USP34: variants seen among roughly 807,000 people sequenced by gnomAD.
USP34 encodes the protein ubiquitin specific peptidase 34, also known as ubiquitin carboxyl-terminal hydrolase 34.
A neutral mutation model predicts 460.3 loss-of-function variants in USP34; 70 were observed. The observed-to-expected ratio is 0.15, with a 90% CI of 0.13 to 0.19. The LOEUF is 0.19. Ranked by LOEUF, USP34 falls within the 10% of genes least tolerant of loss-of-function variation. The probability of loss-of-function intolerance (pLI) is 1.00; values close to 1 mark genes in which losing one functional copy is unlikely to be tolerated. For missense variants in USP34, 3,985 were observed against 4,236.2 expected, an observed-to-expected ratio of 0.94 and a Z score of 1.65; for synonymous variants, 1,647 against 1,405.3, an observed-to-expected ratio of 1.17 and a Z score of -3.85.
intron 3 of USP34, among the ~76,000 whole-genome samples, chr2:61,397,524 G>C (rs541309686): frequency 6.6e-6 from 1 of 152,048 alleles, no homozygotes; most frequent in South Asian, 2.1e-4. Flanking sequence ...CCAGCACTTT[G>C]GGAGGCCAAG....
At chr2:61,353,628 G>A (rs180819531) in intron 10 of USP34, among the ~76,000 whole-genome samples, 97 of 150,084 alleles carry the variant, frequency 6.5e-4, no homozygotes, top group African/African-American at 2.1e-3. Flanking sequence ...ACAGGGTTTC[G>A]CCATGTTGGC....
In USP34 at chr2:61,383,345, G is replaced by C; in HGVS notation, c.754-9C>G. 1 of 1,583,276 alleles carries C rather than the reference G, an allele frequency of 6.3e-7. No homozygotes were observed. Among genetic ancestry groups the C allele is most frequent in the Non-Finnish European group, 8.6e-7 (1 of 1,160,876 alleles). ...TGTAGCCATATTCTAATCTATATAA[G>C]AAACATAAAAACAACATTAATGCCT... On this transcript the variant is annotated splice_polypyrimidine_tract_variant and intron_variant, in intron 5 of 79. Coordinates refer to ENST00000398571, the MANE Select transcript of USP34 (RefSeq NM_014709.4).
At position 61,470,768 on chromosome 2, in the gene USP34, G is replaced by T; in HGVS notation, c.-76C>A. 1 of 1,329,078 alleles carries T rather than the reference G, an allele frequency of 7.5e-7. No individual in the cohort carries two copies. The highest frequency in any genetic ancestry group is 1.0e-6 in the Non-Finnish European group (1 of 955,162). 82.3% of individuals were successfully genotyped at this position (1,329,078 alleles called of 1,614,324 possible). On this transcript the variant is annotated 5_prime_UTR_variant, in exon 1 of 80. Coordinates refer to ENST00000398571, the MANE Select transcript of USP34 (RefSeq NM_014709.4). ...CCCGACCGGCGGGGGGGAGGGGAGAGAGGCGGAGGAGGGGGCCGGCCGGCC... is the reference window on the plus strand; with the variant it reads ...CCCGACCGGCGGGGGGGAGGGGAGATAGGCGGAGGAGGGGGCCGGCCGGCC...
chr2:61,190,880 G>A (rs1686619832), intron 76 of USP34: 1 of 441,126 alleles, frequency 2.3e-6, no homozygotes, highest in Non-Finnish European at 4.0e-6. Context: ...AGGGAGTGCT[G>A]GGGGAAGACA....
intron 41 of USP34, among the ~76,000 whole-genome samples, chr2:61,267,748 G>C (rs1302159638): frequency 6.6e-6 from 1 of 151,908 alleles, no homozygotes; most frequent in African/African-American, 2.4e-5. Context: ...CAATTAGTTG[G>C]GACTACAGGC....
intron 59 of USP34, 74 bp downstream of exon 59, chr2:61,229,474 A>C (rs201215593): frequency 0.048 from 24,597 of 515,092 alleles, 334 homozygotes; most frequent in Non-Finnish European, 0.056. Context: ...AAAAAAAAAA[A>C]ACAAAAAAAA....
At position 61,211,934 on chromosome 2, in the gene USP34, A is replaced by G. The variant is rs761823549; in HGVS notation, c.8683-5T>C. ...GTTAAACAGTTCTTCTACTGCCTAAAAAAGCCAAATAAGCCATATGATCTT... is the reference window on the plus strand; with the variant it reads ...GTTAAACAGTTCTTCTACTGCCTAAGAAAGCCAAATAAGCCATATGATCTT... On this transcript the variant is annotated splice_polypyrimidine_tract_variant and splice_region_variant and intron_variant, in intron 68 of 79. Transcript: ENST00000398571. The G allele has an allele frequency of 6.3e-7, 1 of 1,598,924 alleles. No homozygotes were observed. The highest frequency in any genetic ancestry group is 8.5e-7 in the Non-Finnish European group (1 of 1,175,938).
intron 2 of USP34, among the ~76,000 whole-genome samples, chr2:61,419,323 C>A (rs1259306296): frequency 1.3e-5 from 2 of 151,948 alleles, no homozygotes; most frequent in Non-Finnish European, 2.9e-5. Context: ...AGGCCACACT[C>A]TTCTTAACCA....
intron 15 of USP34, 43 bp downstream of exon 15, chr2:61,347,827 T>C (rs1471029624): frequency 1.3e-6 from 2 of 1,592,940 alleles, no homozygotes; most frequent in Admixed American, 3.4e-5. Context: ...AATACTTCCC[T>C]AAAGGAAATA....
At position 61,311,931 on chromosome 2, in the gene USP34, C is replaced by T. The variant is rs746849689; in HGVS notation, c.3543-21G>A. ...CAAACCTAAAACATGACACAAACAACACATAGAAAGGATACCATTTTAAAC... is the reference window on the plus strand; with the variant it reads ...CAAACCTAAAACATGACACAAACAATACATAGAAAGGATACCATTTTAAAC... On this transcript the variant is annotated intron_variant, in intron 25 of 79. Transcript: ENST00000398571. The T allele has an allele frequency of 2.1e-5, 34 of 1,609,006 alleles. 1 individual carries two copies. The South Asian group carries it at 3.5e-4, about 17-fold the overall frequency.
At chr2:61,229,392 C>T (rs1327641067) in intron 59 of USP34, among the ~76,000 whole-genome samples, 156 bp downstream of exon 59, 5 of 136,692 alleles carry the variant, frequency 3.7e-5, no homozygotes, top group East Asian at 4.9e-4. Flanking sequence ...GAGGCCGAGG[C>T]GGGCGGATCA....
chr2:61,342,305 T>C (rs1418226548), intron 16 of USP34, among the ~76,000 whole-genome samples: 1 of 144,584 alleles, frequency 6.9e-6, no homozygotes, highest in Non-Finnish European at 1.5e-5. Context: ...CCTTTTTTTT[T>C]TTTTTTTTTT....
chr2:61,240,577 C>T (rs189884049), intron 53 of USP34, among the ~76,000 whole-genome samples: 24 of 149,708 alleles, frequency 1.6e-4, no homozygotes, highest in African/African-American at 5.9e-4. Flanking sequence ...CGCGCCCAGC[C>T]CATTTTTTTT....
chr2:61,449,439 TAGA>T (rs1161419881), intron 1 of USP34, among the ~76,000 whole-genome samples: 3 of 149,266 alleles, frequency 2.0e-5, no homozygotes, highest in African/African-American at 7.3e-5. Context: ...GGCATCTTTG[TAGA>T]AGTTTTCAAG....
chr2:61,467,348 C>CTATGT (rs1407269531), intron 1 of USP34, among the ~76,000 whole-genome samples: 1 of 152,008 alleles, frequency 6.6e-6, no homozygotes, highest in Non-Finnish European at 1.5e-5. Flanking sequence ...AGCAGTCTTA[C>CTATGT]TATGTTGCCC....
intron 27 of USP34, among the ~76,000 whole-genome samples, chr2:61,306,303 C>T (rs1430794628): frequency 6.6e-6 from 1 of 152,108 alleles, no homozygotes; most frequent in South Asian, 2.1e-4. Context: ...GCCAGTTTTC[C>T]CAGCATCATT....
chr2:61,419,346 G>A (rs1224714802), intron 2 of USP34, among the ~76,000 whole-genome samples: 1 of 151,858 alleles, frequency 6.6e-6, no homozygotes, highest in Non-Finnish European at 1.5e-5. Flanking sequence ...ACATTCTAGG[G>A]CAACATGAGA....
At chr2:61,286,011 A>G (rs1313458022) in intron 34 of USP34, among the ~76,000 whole-genome samples, 2 of 152,230 alleles carry the variant, frequency 1.3e-5, no homozygotes, top group Non-Finnish European at 2.9e-5. Flanking sequence ...CATGGTTAAC[A>G]CAAGTATATA....
At chr2:61,189,314 C>A in intron 78 of USP34, 2 of 366,454 alleles carry the variant, frequency 5.5e-6, no homozygotes, top group East Asian at 5.7e-5. Context: ...TGTTCTTTGG[C>A]AAGGCTGGAG....
Sources: allele counts gnomAD v4.1 joint callset (sites outside exome capture counted in the v4.1 genomes callset), GRCh38; gene constraint gnomAD v4.1.1; transcripts MANE v1.5; gene names NCBI Gene and HGNC (gene_info 2026-07-23, HGNC 2026-07-21).